The following CREB5 variants were observed in gnomAD, a reference collection of about 807,000 sequenced individuals.
CREB5 encodes the protein cyclic AMP-responsive element-binding protein 5.
In CREB5, 19 loss-of-function variants were observed where a neutral mutation model predicts 57.1. That is an observed-to-expected ratio of 0.33 (90% CI 0.23 to 0.49). The LOEUF is 0.49. CREB5 is among the 20% of genes least tolerant of loss of function. The pLI, the probability that CREB5 is intolerant of heterozygous loss-of-function variation, is 0.99. For synonymous variants in CREB5, 238 were observed against 238.3 expected (o/e 1.00, Z 0.01); for missense variants, 579 against 671.6 (o/e 0.86, Z 1.52).
chr7:28,591,819 CTAT>C (rs1796531927), intron 5 of CREB5, among the ~76,000 whole-genome samples: 1 of 152,100 alleles, frequency 6.6e-6, no homozygotes, highest in South Asian at 2.1e-4. Context: ...ACTGGTAATA[CTAT>C]TATATTAGTA....
intron 1 of CREB5, among the ~76,000 whole-genome samples, chr7:28,336,444 A>T (rs1165711302): frequency 2.0e-5 from 3 of 151,876 alleles, no homozygotes; most frequent in African/African-American, 7.3e-5. Context: ...GTGTGTAGTA[A>T]TTTATCCATT....
At chr7:28,664,402 A>G (rs1292547311) in intron 5 of CREB5, among the ~76,000 whole-genome samples, 1 of 152,210 alleles carries the variant, frequency 6.6e-6, no homozygotes. Flanking sequence ...CTTGTCTAAG[A>G]AAAGATGAAA....
intron 3 of CREB5, among the ~76,000 whole-genome samples, chr7:28,496,113 C>A (rs1201944880): frequency 6.6e-6 from 1 of 152,150 alleles, no homozygotes; most frequent in African/African-American, 2.4e-5. Flanking sequence ...GTCTGCCAAG[C>A]CTGTTTCACA....
intron 1 of CREB5, among the ~76,000 whole-genome samples, chr7:28,351,299 A>G (rs1786180160): frequency 6.6e-6 from 1 of 152,208 alleles, no homozygotes; most frequent in South Asian, 2.1e-4. Context: ...TATTAATAAT[A>G]GATTTTTCAA....
intron 1 of CREB5, among the ~76,000 whole-genome samples, chr7:28,446,930 C>G (rs772365820): frequency 6.6e-6 from 1 of 152,186 alleles, no homozygotes; most frequent in Non-Finnish European, 1.5e-5. Context: ...TCTACTAAGC[C>G]AAGAGCACCT....
chr7:28,673,732 G>A (rs1489260841), intron 5 of CREB5, among the ~76,000 whole-genome samples: 4 of 143,642 alleles, frequency 2.8e-5, no homozygotes, highest in African/African-American at 5.2e-5. Context: ...GAGTGCAGTG[G>A]CGTGATCTCA....
At chr7:28,331,421 A>T (rs1261508316) in intron 1 of CREB5, among the ~76,000 whole-genome samples, 2 of 152,184 alleles carry the variant, frequency 1.3e-5, no homozygotes, top group African/African-American at 2.4e-5. Context: ...TATATAAAAA[A>T]GTAAAGTCTT....
At chr7:28,603,688 C>T (rs2128671468) in intron 5 of CREB5, among the ~76,000 whole-genome samples, 1 of 152,286 alleles carries the variant, frequency 6.6e-6, no homozygotes, top group African/African-American at 2.4e-5. Context: ...ATTTATTTTC[C>T]TCATTGTGGT....
At chr7:28,713,109 G>C (rs1802490160) in intron 5 of CREB5, among the ~76,000 whole-genome samples, 1 of 152,110 alleles carries the variant, frequency 6.6e-6, no homozygotes, top group African/African-American at 2.4e-5. Flanking sequence ...CTGGAGTGCA[G>C]TGGCAAGATC....
At chr7:28,381,634 T>C (rs938146040) in intron 1 of CREB5, among the ~76,000 whole-genome samples, 1 of 152,216 alleles carries the variant, frequency 6.6e-6, no homozygotes, top group African/African-American at 2.4e-5. Context: ...CCTCATTGTT[T>C]AATAAAACCA....
intron 5 of CREB5, among the ~76,000 whole-genome samples, chr7:28,689,500 A>G (rs1215715083): frequency 6.6e-6 from 1 of 152,182 alleles, no homozygotes; most frequent in Admixed American, 6.5e-5. Context: ...AGAGATTCCC[A>G]TGTATTCTTT....
intron 7 of CREB5, among the ~76,000 whole-genome samples, chr7:28,770,167 G>A (rs559362610): frequency 1.6e-3 from 249 of 152,312 alleles, no homozygotes; most frequent in Non-Finnish European, 2.8e-3. Flanking sequence ...AAGGGGAGCC[G>A]GTGGAGAAAG....
chr7:28,599,677 T>C (rs1002706223), intron 5 of CREB5, among the ~76,000 whole-genome samples: 1 of 152,248 alleles, frequency 6.6e-6, no homozygotes, highest in African/African-American at 2.4e-5. Context: ...TATTTCTATC[T>C]GATGAATGAG....
At chr7:28,515,348 T>C (rs1017415013) in intron 4 of CREB5, among the ~76,000 whole-genome samples, 2 of 152,156 alleles carry the variant, frequency 1.3e-5, no homozygotes, top group Non-Finnish European at 2.9e-5. Flanking sequence ...CACTCTTAGG[T>C]GGATTTTGTT....
intron 7 of CREB5, among the ~76,000 whole-genome samples, chr7:28,752,093 T>TATTA (rs1457800891): frequency 6.6e-6 from 1 of 152,244 alleles, no homozygotes; most frequent in Non-Finnish European, 1.5e-5. Flanking sequence ...TCCCTGGTGA[T>TATTA]ATTAACCCTG....
At chr7:28,461,872 A>G (rs1790363984) in intron 1 of CREB5, among the ~76,000 whole-genome samples, 2 of 152,128 alleles carry the variant, frequency 1.3e-5, no homozygotes, top group African/African-American at 4.8e-5. Flanking sequence ...TTTTATATAT[A>G]TATATGAATA....
chr7:28,384,153 C>T (rs1413148591), intron 1 of CREB5, among the ~76,000 whole-genome samples: 1 of 152,100 alleles, frequency 6.6e-6, no homozygotes, highest in Non-Finnish European at 1.5e-5. Flanking sequence ...ACATCACAGG[C>T]CACCCACTGG....
chr7:28,642,991 C>CACACAT (rs1554279328), intron 5 of CREB5, among the ~76,000 whole-genome samples: 1,260 of 113,828 alleles, frequency 0.011, 4 homozygotes, highest in Middle Eastern at 0.021. Context: ...CACACATACA[C>CACACAT]ACACACACAC....
chr7:28,676,328 C>T (rs1800319728), intron 5 of CREB5, among the ~76,000 whole-genome samples: 1 of 152,178 alleles, frequency 6.6e-6, no homozygotes, highest in South Asian at 2.1e-4. Flanking sequence ...TGTGTGTGTG[C>T]TGTCTGTCTC....
Sources: allele counts gnomAD v4.1 joint callset (sites outside exome capture counted in the v4.1 genomes callset), GRCh38; gene constraint gnomAD v4.1.1; transcripts MANE v1.5; gene names NCBI Gene and HGNC (gene_info 2026-07-23, HGNC 2026-07-21).